PRKCQ: variants seen among roughly 807,000 people sequenced by gnomAD.
PRKCQ encodes protein kinase C theta.
Under a neutral mutation model 91.2 loss-of-function variants are expected in PRKCQ, and 41 were observed. That is an observed-to-expected ratio of 0.45 (90% CI 0.35 to 0.58). The LOEUF (loss-of-function observed/expected upper bound fraction) is 0.58. Among genes scored for constraint, PRKCQ ranks in the 20% least tolerant of loss-of-function variants. The pLI is 0.00. For missense variants in PRKCQ, 673 were observed against 896.5 expected, an observed-to-expected ratio of 0.75 and a Z score of 3.18; for synonymous variants, 307 against 316.9, an observed-to-expected ratio of 0.97 and a Z score of 0.33.
chr10:6,531,440 G>T (rs903857620), intron 1 of PRKCQ, among the ~76,000 whole-genome samples: 2 of 151,160 alleles, frequency 1.3e-5, no homozygotes, highest in African/African-American at 4.9e-5. Context: ...TGAGGTCAGA[G>T]ATACAGCTCA....
At chr10:6,521,878 A>G (rs1839016645) in intron 1 of PRKCQ, among the ~76,000 whole-genome samples, 1 of 150,588 alleles carries the variant, frequency 6.6e-6, no homozygotes, top group African/African-American at 2.5e-5. Flanking sequence ...AAACACCATC[A>G]TGATATGTAC....
intron 16 of PRKCQ, among the ~76,000 whole-genome samples, chr10:6,432,491 T>C (rs1833472344): frequency 6.6e-6 from 1 of 152,066 alleles, no homozygotes; most frequent in South Asian, 2.1e-4. Context: ...ACTTCCTCTC[T>C]CCCCCTTACC....
At chr10:6,521,364 G>C (rs911993503) in intron 1 of PRKCQ, among the ~76,000 whole-genome samples, 2 of 152,320 alleles carry the variant, frequency 1.3e-5, no homozygotes, top group Middle Eastern at 3.4e-3. Context: ...AGGGAGTCAA[G>C]AGCAAAGGAT....
At chr10:6,397,110 G>T in the PRKCQ span, among the ~76,000 whole-genome samples, 6 of 149,208 alleles carry the variant, frequency 4.0e-5, no homozygotes, top group African/African-American at 1.5e-4. Context: ...TTATTTGCCT[G>T]TTTTTTTTTT....
chr10:6,432,228 CTCT>C (rs1279695188), intron 16 of PRKCQ, among the ~76,000 whole-genome samples: 19 of 152,268 alleles, frequency 1.2e-4, no homozygotes, highest in African/African-American at 4.3e-4. Flanking sequence ...AATTGCGAGT[CTCT>C]TGTTTTTACT....
rs1015112558 is a variant in PRKCQ, at chr10:6,555,141, G to GA, written c.-10+25069_-10+25070insT. ...GGGGACAAGTAAAGGTGGGAGGGGG[G>GA]GGGTCTAGGGTTGAAAAACTAACTA... On this transcript the variant is annotated intron_variant, in intron 1 of 17. Transcript: ENST00000263125. Among the ~76,000 whole-genome samples, 8 of 151,970 alleles carry GA rather than the reference G, an allele frequency of 5.3e-5. 1 individual carries two copies. Among genetic ancestry groups the GA allele is most frequent in the Non-Finnish European group, 1.2e-4 (8 of 67,996 alleles).
chr10:6,449,951 C>A (rs1240779281), intron 15 of PRKCQ, among the ~76,000 whole-genome samples: 1 of 152,094 alleles, frequency 6.6e-6, no homozygotes, highest in Non-Finnish European at 1.5e-5. Context: ...CATGGAAAGG[C>A]ACAACTGGTA....
chr10:6,509,733 C>T (rs1385006303), intron 3 of PRKCQ, among the ~76,000 whole-genome samples: 3 of 152,286 alleles, frequency 2.0e-5, no homozygotes, highest in Admixed American at 1.3e-4. Context: ...CCCAAGCCAA[C>T]ACACAAGTGC....
At chr10:6,460,480 CTT>C (rs372566562) in intron 14 of PRKCQ, among the ~76,000 whole-genome samples, 3,432 of 150,046 alleles carry the variant, frequency 0.023, 101 homozygotes, top group African/African-American at 0.065. Context: ...CCTACTTCCC[CTT>C]TTTTTTTTTT....
Position 6,446,983 on chromosome 10 carries a change from C to T in PRKCQ, c.1648-4902G>A, listed in dbSNP as rs577743160. On this transcript the variant is annotated intron_variant, in intron 15 of 17. Transcript: ENST00000263125. The stretch of plus-strand genomic sequence containing the variant: ...ATGATGTGCAACTGGGTGAGTGCTG[C>T]CCCAGCAGTCAGTGACCTCCTGGGG... 3.9e-5 allele frequency among the ~76,000 whole-genome samples: 6 copies of T among 152,290 alleles called. No homozygotes were observed. The East Asian group carries it at 1.2e-3, about 30-fold the overall frequency.
intron 1 of PRKCQ, among the ~76,000 whole-genome samples, chr10:6,567,811 CCTTTT>C (rs1270722082): frequency 6.6e-6 from 1 of 152,152 alleles, no homozygotes; most frequent in African/African-American, 2.4e-5. Flanking sequence ...ACTACTCTTT[CCTTTT>C]AAGATAAACA....
At chr10:6,569,781 C>T (rs1329894246) in intron 1 of PRKCQ, among the ~76,000 whole-genome samples, 1 of 152,010 alleles carries the variant, frequency 6.6e-6, no homozygotes, top group Non-Finnish European at 1.5e-5. Context: ...GATGTCTATG[C>T]CAGTTGCAGA....
chr10:6,568,351 T>A (rs1294110392), intron 1 of PRKCQ, among the ~76,000 whole-genome samples: 1 of 152,234 alleles, frequency 6.6e-6, no homozygotes. Flanking sequence ...TTATCTTTTA[T>A]CCTTTACTAT....
At chr10:6,420,223 G>A in the PRKCQ span, among the ~76,000 whole-genome samples, 1 of 152,046 alleles carries the variant, frequency 6.6e-6, no homozygotes, top group Non-Finnish European at 1.5e-5. Context: ...TCCTGACCTC[G>A]TGATCCACCC....
At chr10:6,494,847 C>T (rs917111000) in intron 7 of PRKCQ, among the ~76,000 whole-genome samples, 2 of 152,198 alleles carry the variant, frequency 1.3e-5, no homozygotes, top group African/African-American at 4.8e-5. Context: ...GAATTCCAAG[C>T]TCATGTGAAA....
At chr10:6,506,281 A>G (rs753485688) in intron 4 of PRKCQ, among the ~76,000 whole-genome samples, 2 of 152,184 alleles carry the variant, frequency 1.3e-5, no homozygotes, top group Non-Finnish European at 1.5e-5. Context: ...ACTATAATCA[A>G]TTTTCATATA....
chr10:6,484,700 C>T (rs1482356544), intron 10 of PRKCQ, among the ~76,000 whole-genome samples: 1 of 152,114 alleles, frequency 6.6e-6, no homozygotes, highest in Admixed American at 6.6e-5. Context: ...GGGTCATATC[C>T]ACTCATGAAC....
chr10:6,491,566 G>T, intron 8 of PRKCQ, 117 bp downstream of exon 8: 13 of 1,378,602 alleles, frequency 9.4e-6, no homozygotes, highest in Non-Finnish European at 1.3e-5. Flanking sequence ...ATCATGACTT[G>T]TCTGGGCTGG....
chr10:6,492,378 T>C (rs911045708), intron 7 of PRKCQ, among the ~76,000 whole-genome samples: 1 of 152,172 alleles, frequency 6.6e-6, no homozygotes, highest in South Asian at 2.1e-4. Flanking sequence ...TCCTGCCAGG[T>C]GCGGTTAACA....
Sources: gnomAD v4.1 joint callset for allele counts (sites outside exome capture counted in the v4.1 genomes callset) on GRCh38, gnomAD v4.1.1 for gene constraint, MANE v1.5 for transcripts, NCBI Gene and HGNC (gene_info 2026-07-23, HGNC 2026-07-21) for gene names.